DNAH9: variants seen among roughly 807,000 people sequenced by gnomAD.
DNAH9 encodes the protein DNAH9 variant protein.
Under a neutral mutation model 471.6 loss-of-function variants are expected in DNAH9, and 345 were observed. That is an observed-to-expected ratio of 0.73 (90% CI 0.67 to 0.80). The LOEUF is 0.80. DNAH9 is among the 30% of genes least tolerant of loss of function. The pLI, the probability that DNAH9 is intolerant of heterozygous loss-of-function variation, is 0.00. For synonymous variants in DNAH9, 2,093 were observed against 2,123.6 expected, an observed-to-expected ratio of 0.99 and a Z score of 0.40; for missense variants, 5,407 against 5,609.2, an observed-to-expected ratio of 0.96 and a Z score of 1.15.
chr17:11,639,190 A>AG (rs1284411089), intron 9 of DNAH9, among the ~76,000 whole-genome samples: 1 of 152,164 alleles, frequency 6.6e-6, no homozygotes, highest in African/African-American at 2.4e-5. Flanking sequence ...TGCAAGGGTG[A>AG]GGGTCATTGG....
intron 26 of DNAH9, among the ~76,000 whole-genome samples, chr17:11,719,101 A>G (rs1000590158): frequency 2.0e-5 from 3 of 152,110 alleles, no homozygotes; most frequent in Non-Finnish European, 4.4e-5. Context: ...AGGAGCAAGC[A>G]GACCCAGAAG....
At chr17:11,757,498 A>T in intron 34 of DNAH9, 47 bp from the exon 35 acceptor site, 3 of 1,506,022 alleles carry the variant, frequency 2.0e-6, no homozygotes, top group Non-Finnish European at 2.7e-6. Flanking sequence ...GAAAAATATA[A>T]TGATGTATAT....
At chr17:11,730,707 T>C (rs1420449392) in intron 28 of DNAH9, among the ~76,000 whole-genome samples, 5 of 152,286 alleles carry the variant, frequency 3.3e-5, no homozygotes, top group African/African-American at 1.2e-4. Context: ...CTGCAGAGAA[T>C]AGTCACTCAA....
intron 62 of DNAH9, among the ~76,000 whole-genome samples, chr17:11,924,405 A>G (rs1372391677): frequency 1.3e-5 from 2 of 152,080 alleles, no homozygotes; most frequent in Admixed American, 1.3e-4. Context: ...CTGAGAGCTC[A>G]TGTTGGTGTT....
chr17:11,671,896 C>T (rs1238875579), intron 17 of DNAH9, among the ~76,000 whole-genome samples: 1 of 152,158 alleles, frequency 6.6e-6, no homozygotes, highest in African/African-American at 2.4e-5. Flanking sequence ...CCTTGGATCC[C>T]TGTTTCCTCA....
At position 11,810,270 on chromosome 17, in the gene DNAH9, A is replaced by C; in HGVS notation, c.8608A>C (p.Lys2870Gln). ...GATGGACCTGGCCAGCCTGTGTCTG[A>C]AAGCTGGAGTGAAGAATCTCAACAC... Reference protein sequence around the residue: ...FKMDLASLCLKAGVKNLNTVF... With the variant: ...FKMDLASLCLQAGVKNLNTVF... The change falls in exon 45 of 69, where the codon AAA becomes CAA. Residue 2870 changes from lysine (K) to glutamine (Q), a missense_variant. Physicochemically the swap from Lys to Gln is moderately conservative, Grantham distance 53. Around this residue, in one of 3 missense-constraint regions of DNAH9, gnomAD observed 4,636 missense variants for 4,900.3 expected, o/e 0.95. Coordinates refer to ENST00000262442, the MANE Select transcript of DNAH9 (RefSeq NM_001372.4). The C allele has an allele frequency of 1.2e-6, 2 of 1,613,284 alleles. No individual in the cohort carries two copies. The highest frequency in any genetic ancestry group is 1.7e-6 in the Non-Finnish European group (2 of 1,179,642).
intron 19 of DNAH9, among the ~76,000 whole-genome samples, chr17:11,681,951 T>C (rs899918467): frequency 6.6e-6 from 1 of 152,168 alleles, no homozygotes; most frequent in Non-Finnish European, 1.5e-5. Context: ...ATGTAGATGA[T>C]AGTAGTGTCC....
chr17:11,762,358 GT>G lies in DNAH9; in HGVS notation c.6996-1081del. Reference sequence around the variant, plus strand: ...GTGGCAATGTGGGCTGAGTGTGTGGGTACGTGGTGTGCTCTGCATATACATG... The same window carrying G: ...GTGGCAATGTGGGCTGAGTGTGTGGGACGTGGTGTGCTCTGCATATACATG... On this transcript the variant is annotated intron_variant, in intron 35 of 68. Coordinates refer to ENST00000262442, the MANE Select transcript of DNAH9 (RefSeq NM_001372.4). 2.6e-5 allele frequency among the ~76,000 whole-genome samples: 4 copies of G among 152,232 alleles called. 1 individual carries two copies. In the South Asian group the frequency reaches 8.3e-4, roughly 32 times the overall value.
intron 30 of DNAH9, 32 bp from the exon 31 acceptor site, chr17:11,744,765 T>C (rs1195781786): frequency 1.9e-6 from 3 of 1,582,254 alleles, no homozygotes; most frequent in Non-Finnish European, 2.6e-6. Flanking sequence ...GTGTTCTGTC[T>C]CTCTGTCACT....
intron 27 of DNAH9, among the ~76,000 whole-genome samples, chr17:11,720,463 G>A (rs561725716): frequency 5.3e-5 from 8 of 151,498 alleles, no homozygotes; most frequent in South Asian, 2.1e-4. Context: ...TCCCTCTCTC[G>A]TTATTTTTGT....
intron 56 of DNAH9, among the ~76,000 whole-genome samples, chr17:11,885,881 T>C (rs1466398306): frequency 1.3e-5 from 2 of 152,250 alleles, no homozygotes; most frequent in Non-Finnish European, 2.9e-5. Flanking sequence ...CATTGCCTTT[T>C]CCTGTGGTGC....
rs780836548 is a variant in DNAH9 at position 11,694,358 on chromosome 17, G to A, written c.4783G>A (p.Asp1595Asn). The A allele has an allele frequency of 2.0e-5, 33 of 1,613,612 alleles. No individual in the cohort carries two copies. The highest frequency in any genetic ancestry group is 1.6e-4 in the Middle Eastern group (1 of 6,082). ...LCEKALAEYLDTKRLAFPRFY... is the reference protein window; with the variant it reads ...LCEKALAEYLNTKRLAFPRFY... ...TGAGAAGGCCCTGGCAGAGTACCTC[G>A]ACACCAAGAGGCTTGCCTTCCCGCG... The change falls in exon 22 of 69, where the codon GAC (aspartate) becomes AAC (asparagine). Residue 1595 changes from aspartate to asparagine, a missense_variant. By Grantham distance (23) the Asp-to-Asn change is conservative. Around this residue, in one of 3 missense-constraint regions of DNAH9, gnomAD observed 4,636 missense variants for 4,900.3 expected, o/e 0.95. Coordinates refer to ENST00000262442, the MANE Select transcript of DNAH9 (RefSeq NM_001372.4).
rs1184748227 is a variant in DNAH9 at position 11,626,306 on chromosome 17, A to G, written c.1351-3111A>G. ...AACTTTTAAATAAACAATGAAAAGAACTTACATTTACATAATTTAAGAATC... is the reference window on the plus strand; with the variant it reads ...AACTTTTAAATAAACAATGAAAAGAGCTTACATTTACATAATTTAAGAATC... On this transcript the variant is annotated intron_variant, in intron 6 of 68. Coordinates refer to ENST00000262442, the MANE Select transcript of DNAH9 (RefSeq NM_001372.4). This position sits in a 1 kb window ranked among gnomAD's most constrained non-coding sequence, Gnocchi z 4.3. 6.6e-6 allele frequency among the ~76,000 whole-genome samples: 1 copy of G among 152,230 alleles called. No homozygotes were observed. Among genetic ancestry groups the G allele is most frequent in the Non-Finnish European group, 1.5e-5 (1 of 68,038 alleles).
At chr17:11,806,476 T>C (rs1290174641) in intron 43 of DNAH9, among the ~76,000 whole-genome samples, 1 of 152,200 alleles carries the variant, frequency 6.6e-6, no homozygotes, top group Non-Finnish European at 1.5e-5. Flanking sequence ...ATGTTGGTAT[T>C]CTACACAATA....
At chr17:11,619,174 G>A (rs35346056) in intron 5 of DNAH9, among the ~76,000 whole-genome samples, 4,656 of 152,212 alleles carry the variant, frequency 0.031, 107 homozygotes, top group South Asian at 0.05. Context: ...AAGCCTCTTC[G>A]AGACAGAAAA....
chr17:11,656,517 A>G (rs149634019), intron 14 of DNAH9, among the ~76,000 whole-genome samples: 90 of 152,284 alleles, frequency 5.9e-4, no homozygotes, highest in Middle Eastern at 6.8e-3. Context: ...GTAACGTTTA[A>G]TTGTGTGGAT....
rs528546384 is a variant in DNAH9, at chr17:11,670,155, C to T, written c.3353+361C>T. ...TCTAATGGGCCTCTTTGTTTTACTT[C>T]TACCTCTTATTCCTTGTCTTGGATT... is the stretch of plus-strand genomic sequence containing the variant. On this transcript the variant is annotated intron_variant, in intron 17 of 68. Transcript: ENST00000262442. 1.2e-3 allele frequency among the ~76,000 whole-genome samples: 179 copies of T among 152,196 alleles called. 2 individuals carry two copies. Among genetic ancestry groups the T allele is most frequent in the Non-Finnish European group, 2.3e-3 (155 of 68,034 alleles).
chr17:11,917,436 C>T (rs909202952), intron 61 of DNAH9, among the ~76,000 whole-genome samples: 32 of 152,286 alleles, frequency 2.1e-4, no homozygotes, highest in African/African-American at 6.7e-4. Flanking sequence ...GGATTACAGA[C>T]GTGAGCCACC....
chr17:11,732,129 A>G (rs967410219), intron 28 of DNAH9, among the ~76,000 whole-genome samples: 9 of 152,202 alleles, frequency 5.9e-5, no homozygotes, highest in South Asian at 2.1e-4. Context: ...TTGCCCCTGG[A>G]TAGTAGATAG....
Sources: gnomAD v4.1 joint callset for allele counts (sites outside exome capture counted in the v4.1 genomes callset) on GRCh38, gnomAD v4.1.1 for gene constraint, gnomAD v4.1.1 regional missense constraint, Gnocchi (gnomAD v3.1) non-coding constraint, MANE v1.5 for transcripts, NCBI Gene and HGNC (gene_info 2026-07-23, HGNC 2026-07-21) for gene names.